ADAM33: variants seen among roughly 807,000 people sequenced by gnomAD.
The protein encoded by ADAM33 is disintegrin and metalloproteinase domain-containing protein 33.
In ADAM33, 103 loss-of-function variants were observed where a neutral mutation model predicts 106.2. The observed-to-expected ratio is 0.97, with a 90% CI of 0.83 to 1.14. The LOEUF is 1.14. Among genes scored for constraint, ADAM33 ranks in the 50% most tolerant of loss-of-function variants. The pLI, the probability that ADAM33 is intolerant of heterozygous loss-of-function variation, is 0.00. For synonymous variants in ADAM33, 483 were observed against 453.0 expected (o/e 1.07, Z -0.84); for missense variants, 1,120 against 1,096.6 (o/e 1.02, Z -0.30).
In ADAM33 at chr20:3,679,529, T is replaced by C. The variant is rs2088287583; in HGVS notation, c.140A>G (p.Asp47Gly). 1 of 1,610,850 alleles carries C rather than the reference T, an allele frequency of 6.2e-7. No homozygotes were observed. The highest frequency in any genetic ancestry group is 1.7e-5 in the Admixed American group (1 of 59,678). ...GQPVTPHWVLDGQPWRTVSLE... is the reference protein window; with the variant it reads ...GQPVTPHWVLGGQPWRTVSLE... ...GCTGACGGTGCGCCAGGGTTGTCCA[T>C]CCAGGACCCAGTGCGGGGTGACTGG... The change falls in exon 2 of 22, where the codon GAT (aspartate) becomes GGT (glycine). Residue 47 changes from aspartate to glycine, a missense_variant. Coordinates refer to ENST00000356518, the MANE Select transcript of ADAM33 (RefSeq NM_025220.5).
intron 18 of ADAM33, 29 bp downstream of exon 18, chr20:3,671,208 T>A (rs761496743): frequency 8.7e-6 from 14 of 1,613,068 alleles, no homozygotes; most frequent in Middle Eastern, 1.6e-4. Flanking sequence ...CCACCCCAGC[T>A]CCTGCCCACA....
rs1451195706 is a variant in ADAM33 at position 3,671,033 on chromosome 20, C to A, written c.2213G>T (p.Gly738Val). The A allele has an allele frequency of 6.4e-7, 1 of 1,555,526 alleles. No homozygotes were observed. Among genetic ancestry groups the A allele is most frequent in the Admixed American group, 1.9e-5 (1 of 51,626 alleles). ...PGAHLQRCSW[G>V]CRRDPACSGP... is the part of the protein sequence containing the mutation. ...ACTGCACGCAGGGTCCCTTCTGCAGCCCCAGCTGCATCGCTGCAGATGGGC... is the reference window on the plus strand; with the variant it reads ...ACTGCACGCAGGGTCCCTTCTGCAGACCCAGCTGCATCGCTGCAGATGGGC... The change falls in exon 19 of 22, where the codon GGC becomes GTC. Residue 738 changes from glycine to valine, a missense_variant. Gly to Val is a moderately radical substitution (Grantham distance 109). Transcript: ENST00000356518.
At position 3,675,005 on chromosome 20, in the gene ADAM33, A is replaced by G. The variant is rs2146415029; in HGVS notation, c.333+22T>C. The stretch of plus-strand genomic sequence containing the variant: ...GGGGGTACCTCTGGCGGTGCATCCC[A>G]GAGCCCATGGAAGCATCTCACCGTG... On this transcript the variant is annotated intron_variant, in intron 4 of 21. Transcript: ENST00000356518. The surrounding 1 kb of genome is among the most constrained non-coding windows in gnomAD (Gnocchi z 4.1). 1.9e-6 allele frequency: 3 copies of G among 1,613,358 alleles called. No homozygotes were observed. Among genetic ancestry groups the G allele is most frequent in the South Asian group, 1.1e-5 (1 of 90,774 alleles).
rs918334044 is a variant in ADAM33, at chr20:3,675,897, C to T, written c.255-792G>A. On this transcript the variant is annotated intron_variant, in intron 3 of 21. Coordinates refer to ENST00000356518, the MANE Select transcript of ADAM33 (RefSeq NM_025220.5). This position sits in a 1 kb window ranked among gnomAD's most constrained non-coding sequence, Gnocchi z 4.1. ...CCCTCCCAGGCATTCCACCACCTGC[C>T]CCAGCTCTGCCCCCTACCCCTGCCC... 6.6e-5 allele frequency among the ~76,000 whole-genome samples: 10 copies of T among 152,126 alleles called. No individual in the cohort carries two copies. The highest frequency in any genetic ancestry group is 5.9e-4 in the Admixed American group (9 of 15,264).
intron 13 of ADAM33, 92 bp downstream of exon 13, chr20:3,672,445 A>G (rs1295811329): frequency 5.1e-6 from 8 of 1,579,596 alleles, no homozygotes; most frequent in Non-Finnish European, 6.9e-6. Flanking sequence ...CCAGCACCCA[A>G]CGGGGGAACC....
chr20:3,679,994 C>A (rs1052858922), intron 1 of ADAM33, among the ~76,000 whole-genome samples: 4 of 152,146 alleles, frequency 2.6e-5, no homozygotes, highest in Non-Finnish European at 5.9e-5. Context: ...TGTGCCCCCC[C>A]CATCATCTGA....
Position 3,674,676 on chromosome 20 carries a change from C to T in ADAM33, c.428G>A (p.Ser143Asn). ...CSGMSGLITL[S>N]RNASYYLRPW... is the part of the protein sequence containing the mutation. Reference sequence around the variant, plus strand: ...ACGCAGATAATAGCTGGCATTCCTGCTGAGGGTGATCAGGCCACTAGGGTG... The same window carrying T: ...ACGCAGATAATAGCTGGCATTCCTGTTGAGGGTGATCAGGCCACTAGGGTG... Residue 143 changes from serine to asparagine, a missense_variant, in exon 6 of 22, where the codon AGC becomes AAC. Transcript: ENST00000356518. 6.2e-7 allele frequency: 1 copy of T among 1,610,088 alleles called. No individual in the cohort carries two copies. Among genetic ancestry groups the T allele is most frequent in the Non-Finnish European group, 8.5e-7 (1 of 1,178,560 alleles).
chr20:3,678,149 C>A (rs140877864), intron 2 of ADAM33, among the ~76,000 whole-genome samples: 116 of 152,346 alleles, frequency 7.6e-4, no homozygotes, highest in African/African-American at 2.7e-3. Flanking sequence ...AGGTCTGCAC[C>A]GGGAAAAAGG....
At chr20:3,677,713 T>C (rs2088098705) in intron 2 of ADAM33, among the ~76,000 whole-genome samples, 1 of 152,216 alleles carries the variant, frequency 6.6e-6, no homozygotes, top group Admixed American at 6.5e-5. Flanking sequence ...CGACACCTGC[T>C]TCACTGGACC....
chr20:3,673,400 C>G lies in ADAM33; in HGVS notation c.1087G>C (p.Glu363Gln). 6.4e-7 allele frequency: 1 copy of G among 1,552,982 alleles called. No individual in the cohort carries two copies. Among genetic ancestry groups the G allele is most frequent in the Non-Finnish European group, 8.6e-7 (1 of 1,156,342 alleles). The change falls in exon 11 of 22, where the codon GAG (glutamate) becomes CAG (glutamine). Residue 363 changes from glutamate (E) to glutamine (Q), a missense_variant. Coordinates refer to ENST00000356518, the MANE Select transcript of ADAM33 (RefSeq NM_025220.5). ...LSHDPDGCCV[E>Q]AAAESGGCVM... ...CAGCCTCCGGACTCGGCCGCAGCCT[C>G]CACGCAGCAGCCGTCGGGGTCGTGG... is the stretch of plus-strand genomic sequence containing the variant.
At position 3,669,018 on chromosome 20, in the gene ADAM33, A is replaced by G; in HGVS notation, c.2405-18T>C. 6.2e-7 allele frequency: 1 copy of G among 1,613,798 alleles called. No individual in the cohort carries two copies. The highest frequency in any genetic ancestry group is 8.5e-7 in the Non-Finnish European group (1 of 1,179,850). On this transcript the variant is annotated intron_variant, in intron 21 of 21. Coordinates refer to ENST00000356518, the MANE Select transcript of ADAM33 (RefSeq NM_025220.5). The stretch of plus-strand genomic sequence containing the variant: ...TTGATCTGCTGAGAATGAGGAGGAT[A>G]TGTTGTCCCCTAAGGACTGGGGCCC...
rs745403787 is a variant in ADAM33, at chr20:3,672,222, G to T, written c.1509C>A (p.Asp503Glu). ...CACTGCCCCTGGCACAGGGTGAGCC[G>T]TCCAGTAGGTAAACGTCTGGGGGAC... is the stretch of plus-strand genomic sequence containing the variant. ...SHCPPDVYLL[D>E]GSPCARGSGY... Residue 503 changes from aspartate to glutamate, a missense_variant, in exon 14 of 22, where the codon GAC becomes GAA. By Grantham distance (45) the Asp-to-Glu change is conservative. Transcript: ENST00000356518. 2 of 1,613,334 alleles carry T rather than the reference G, an allele frequency of 1.2e-6. No individual in the cohort carries two copies. The highest frequency in any genetic ancestry group is 1.7e-6 in the Non-Finnish European group (2 of 1,180,034).
chr20:3,673,700 G>A (rs1220393482), intron 9 of ADAM33, 42 bp from the exon 10 acceptor site: 84 of 1,364,020 alleles, frequency 6.2e-5, no homozygotes, highest in Non-Finnish European at 7.2e-5. Context: ...GCCGGGAGGT[G>A]AGGCCGCCCC....
At position 3,671,612 on chromosome 20, in the gene ADAM33, A is replaced by G. The variant is rs1200650426; in HGVS notation, c.1874T>C (p.Val625Ala). 1 of 1,584,768 alleles carries G rather than the reference A, an allele frequency of 6.3e-7. No individual in the cohort carries two copies. Among genetic ancestry groups the G allele is most frequent in the Non-Finnish European group, 8.6e-7 (1 of 1,165,206 alleles). ...AQLDLLGLGLVEPGTQCGPRM... is the reference protein window; with the variant it reads ...AQLDLLGLGLAEPGTQCGPRM... ...AGGTCCACACTGGGTGCCTGGCTCT[A>G]CCAGGCCCAGGCCAAGCAGGTCCAG... The change falls in exon 16 of 22, where the codon GTA becomes GCA. Residue 625 changes from valine (V) to alanine (A), a missense_variant. Physicochemically the swap from Val to Ala is moderately conservative, Grantham distance 64. Transcript: ENST00000356518.
chr20:3,672,808 G>A lies in ADAM33; in HGVS notation c.1224C>T (p.Ala408=). 2 of 1,577,084 alleles carry A rather than the reference G, an allele frequency of 1.3e-6. No individual in the cohort carries two copies. Among genetic ancestry groups the A allele is most frequent in the Non-Finnish European group, 1.7e-6 (2 of 1,164,846 alleles). ...GCGGCACCGGGAGTCCGGGGTCCGG[G>A]GCATTGGAGAGGCAAGCGCCGCCCC... is the stretch of plus-strand genomic sequence containing the variant. ...RKGGGACLSN[A]PDPGLPVPPA... Residue 408 remains alanine (A), a synonymous_variant, in exon 12 of 22, where the codon GCC becomes GCT. Transcript: ENST00000356518.
intron 19 of ADAM33, chr20:3,670,242 C>T: frequency 6.1e-6 from 1 of 164,452 alleles, no homozygotes; most frequent in African/African-American, 2.4e-5. Context: ...CTCTTAGCTG[C>T]CACCCGGGGC....
chr20:3,674,027 C>T, intron 8 of ADAM33, 37 bp downstream of exon 8: 1 of 1,613,290 alleles, frequency 6.2e-7, no homozygotes, highest in East Asian at 2.2e-5. Context: ...CCTGCCGCCG[C>T]CACCCCCATC....
At chr20:3,680,454 G>C (rs1452945389) in intron 1 of ADAM33, among the ~76,000 whole-genome samples, 2 of 152,168 alleles carry the variant, frequency 1.3e-5, no homozygotes, top group African/African-American at 4.8e-5. Context: ...CTCCTGCTAG[G>C]CCACCCCAAC....
chr20:3,680,279 T>C (rs4987243), intron 1 of ADAM33, among the ~76,000 whole-genome samples: 15,306 of 151,964 alleles, frequency 0.1, 1,099 homozygotes, highest in South Asian at 0.24. Context: ...CCAACCACTC[T>C]CACAGGCCCG....
Sources: allele counts gnomAD v4.1 joint callset (sites outside exome capture counted in the v4.1 genomes callset), GRCh38; gene constraint gnomAD v4.1.1; non-coding constraint Gnocchi (gnomAD v3.1); transcripts MANE v1.5; gene names NCBI Gene and HGNC (gene_info 2026-07-23, HGNC 2026-07-21).